SCFD2: variants seen among roughly 807,000 people sequenced by gnomAD.
SCFD2 encodes sec1 family domain containing 2, also known as sec1 family domain-containing protein 2.
SCFD2 carries 54 observed loss-of-function variants against 58.9 expected under a neutral mutation model. That is an observed-to-expected ratio of 0.92 (90% CI 0.74 to 1.15). The LOEUF (loss-of-function observed/expected upper bound fraction) is 1.15, where lower values mean the gene tolerates loss of function less well. SCFD2 is among the 50% of genes most tolerant of loss of function. The pLI, the probability that SCFD2 is intolerant of heterozygous loss-of-function variation, is 0.00. For missense variants in SCFD2, 805 were observed against 836.6 expected (o/e 0.96, Z 0.47); for synonymous variants, 321 against 335.9 (o/e 0.96, Z 0.49).
chr4:53,195,248 T>A (rs1264281808), intron 4 of SCFD2, among the ~76,000 whole-genome samples: 1 of 152,146 alleles, frequency 6.6e-6, no homozygotes, highest in Non-Finnish European at 1.5e-5. Context: ...TATAAGAACT[T>A]AACAAGTGAG....
intron 1 of SCFD2, among the ~76,000 whole-genome samples, chr4:53,360,397 A>T (rs1350502803): frequency 6.6e-6 from 1 of 152,246 alleles, no homozygotes; most frequent in African/African-American, 2.4e-5. Context: ...TCCTTCTAAA[A>T]GTGAGCAGGT....
rs138723283 is a variant in SCFD2, at chr4:53,080,550, C to T, written c.1561+64783G>A. Among the ~76,000 whole-genome samples, 477 of 152,266 alleles carry T rather than the reference C, an allele frequency of 3.1e-3. 1 individual carries two copies. The highest frequency in any genetic ancestry group is 0.01 in the African/African-American group (434 of 41,552). On this transcript the variant is annotated intron_variant, in intron 5 of 8. Coordinates refer to ENST00000401642, the MANE Select transcript of SCFD2 (RefSeq NM_152540.4). ...TACAGGTTCCACTTACTCCTTAAAA[C>T]GACCCAGGGTGACAGAAGGGTTTGA... is the stretch of plus-strand genomic sequence containing the variant.
intron 3 of SCFD2, among the ~76,000 whole-genome samples, chr4:53,274,900 C>T (rs1455350542): frequency 6.6e-6 from 1 of 152,208 alleles, no homozygotes; most frequent in Admixed American, 6.5e-5. Context: ...GTAATTCATT[C>T]CTATATGTTT....
At chr4:53,247,078 AC>A (rs1187666570) in intron 4 of SCFD2, among the ~76,000 whole-genome samples, 1 of 152,072 alleles carries the variant, frequency 6.6e-6, no homozygotes, top group Non-Finnish European at 1.5e-5. Context: ...AATTAAAAAA[AC>A]AAAAGTTGAG....
At chr4:52,973,190 A>C (rs976351142) in intron 5 of SCFD2, among the ~76,000 whole-genome samples, 1 of 152,312 alleles carries the variant, frequency 6.6e-6, no homozygotes, top group Admixed American at 6.5e-5. Context: ...AAGGAAATAG[A>C]GACACAAAAA....
intron 2 of SCFD2, among the ~76,000 whole-genome samples, chr4:53,350,215 C>T (rs1324044797): frequency 6.6e-6 from 1 of 152,188 alleles, no homozygotes; most frequent in Admixed American, 6.6e-5. Flanking sequence ...CACCCCTCCG[C>T]CATGCCATAT....
At chr4:53,073,057 A>G (rs1277856006) in intron 5 of SCFD2, among the ~76,000 whole-genome samples, 1 of 152,094 alleles carries the variant, frequency 6.6e-6, no homozygotes, top group Non-Finnish European at 1.5e-5. Context: ...ATTCCAAAAA[A>G]TAGTGTCTGT....
chr4:53,293,782 G>A (rs1240491867), intron 3 of SCFD2, among the ~76,000 whole-genome samples: 1 of 152,052 alleles, frequency 6.6e-6, no homozygotes, highest in Non-Finnish European at 1.5e-5. Flanking sequence ...TGCAGAACGT[G>A]CAGGTTTGTT....
At chr4:53,181,241 G>C (rs1315412670) in intron 4 of SCFD2, among the ~76,000 whole-genome samples, 1 of 152,084 alleles carries the variant, frequency 6.6e-6, no homozygotes, top group Non-Finnish European at 1.5e-5. Flanking sequence ...GATGAACATC[G>C]ATGCAAAAAT....
intron 2 of SCFD2, among the ~76,000 whole-genome samples, chr4:53,329,457 A>T (rs1360132891): frequency 6.6e-6 from 1 of 151,362 alleles, no homozygotes; most frequent in Non-Finnish European, 1.5e-5. Flanking sequence ...GAGCAGCCTA[A>T]CTGGGAGGCA....
intron 5 of SCFD2, among the ~76,000 whole-genome samples, chr4:53,138,901 C>A (rs1286404911): frequency 4.0e-5 from 6 of 148,544 alleles, no homozygotes; most frequent in African/African-American, 1.5e-4. Flanking sequence ...CCCCTTTGCA[C>A]GGTCTCCCTC....
chr4:53,209,533 T>C (rs974403527), intron 4 of SCFD2, among the ~76,000 whole-genome samples: 14 of 152,136 alleles, frequency 9.2e-5, no homozygotes, highest in African/African-American at 3.4e-4. Flanking sequence ...ACAATGAACA[T>C]AATTTCATTA....
At position 52,923,456 on chromosome 4, in the gene SCFD2, T is replaced by C. The variant is rs531224596; in HGVS notation, c.1562-2586A>G. On this transcript the variant is annotated intron_variant, in intron 5 of 8. Coordinates refer to ENST00000401642, the MANE Select transcript of SCFD2 (RefSeq NM_152540.4). Reference sequence around the variant, plus strand: ...TCGTGCCACAGCACTCCAGCATGGGTGACACAGTGAGACTGCATCTCAAAT... The same window carrying C: ...TCGTGCCACAGCACTCCAGCATGGGCGACACAGTGAGACTGCATCTCAAAT... 2.7e-5 allele frequency among the ~76,000 whole-genome samples: 4 copies of C among 149,418 alleles called. No homozygotes were observed. The East Asian group carries it at 8.0e-4, about 30-fold the overall frequency.
chr4:53,153,299 G>A (rs1453204727), intron 4 of SCFD2, among the ~76,000 whole-genome samples: 1 of 152,232 alleles, frequency 6.6e-6, no homozygotes, highest in African/African-American at 2.4e-5. Context: ...CTAGGGGGAA[G>A]CTGCCAAGCC....
chr4:52,927,041 C>T (rs951645622), intron 5 of SCFD2, among the ~76,000 whole-genome samples: 5 of 152,146 alleles, frequency 3.3e-5, no homozygotes, highest in African/African-American at 7.2e-5. Flanking sequence ...TATAAAACCC[C>T]TCTTGAGTAG....
intron 2 of SCFD2, among the ~76,000 whole-genome samples, chr4:53,350,009 C>T (rs770874186): frequency 1.9e-4 from 29 of 152,056 alleles, no homozygotes; most frequent in African/African-American, 2.2e-4. Context: ...TAAACGGGGA[C>T]GCTAAGAGAA....
intron 5 of SCFD2, among the ~76,000 whole-genome samples, chr4:52,970,616 G>A (rs769367163): frequency 2.0e-5 from 3 of 152,238 alleles, no homozygotes; most frequent in Non-Finnish European, 4.4e-5. Context: ...ACAAAAGGCA[G>A]CAGAGTCCTC....
intron 2 of SCFD2, among the ~76,000 whole-genome samples, chr4:53,319,738 G>A (rs1400771981): frequency 6.6e-6 from 1 of 152,024 alleles, no homozygotes; most frequent in East Asian, 1.9e-4. Context: ...CACCATGTTG[G>A]CCAGGCTGGT....
intron 5 of SCFD2, among the ~76,000 whole-genome samples, chr4:52,929,347 A>T (rs10030623): frequency 0.049 from 7,389 of 152,310 alleles, 217 homozygotes; most frequent in South Asian, 0.12. Context: ...TTATCTTAAA[A>T]ATATAACAAA....
Sources: gnomAD v4.1 joint callset for allele counts (sites outside exome capture counted in the v4.1 genomes callset) on GRCh38, gnomAD v4.1.1 for gene constraint, MANE v1.5 for transcripts, NCBI Gene and HGNC (gene_info 2026-07-23, HGNC 2026-07-21) for gene names.